The following CIITA variants were observed in gnomAD, a reference collection of about 807,000 sequenced individuals.
CIITA encodes the protein MHC class II transactivator.
CIITA carries 72 observed loss-of-function variants against 115.1 expected under a neutral mutation model. The observed-to-expected ratio is 0.63, with a 90% CI of 0.52 to 0.76. CIITA has a LOEUF of 0.76. CIITA is among the 30% of genes least tolerant of loss of function. The pLI is 0.00. For synonymous variants in CIITA, 763 were observed against 635.6 expected (o/e 1.20, Z -3.02); for missense variants, 1,617 against 1,463.8 (o/e 1.10, Z -1.71).
chr16:10,899,734 T>G (rs917678055), intron 5 of CIITA, among the ~76,000 whole-genome samples: 3 of 152,220 alleles, frequency 2.0e-5, no homozygotes, highest in Admixed American at 1.3e-4. Flanking sequence ...ATTTATTCAG[T>G]TCTTAAACAG....
chr16:10,882,932 C>T (rs746291280), intron 1 of CIITA, among the ~76,000 whole-genome samples: 7 of 152,108 alleles, frequency 4.6e-5, no homozygotes, highest in East Asian at 1.9e-4. Flanking sequence ...TTCCTGGGCC[C>T]GGCTGCAGAC....
chr16:10,882,380 C>G (rs757996039), intron 1 of CIITA, among the ~76,000 whole-genome samples: 8 of 152,022 alleles, frequency 5.3e-5, no homozygotes, highest in Non-Finnish European at 1.0e-4. Context: ...GACTACTAGA[C>G]CAAGGGCATG....
intron 13 of CIITA, among the ~76,000 whole-genome samples, chr16:10,914,423 A>C (rs28704125): frequency 0.28 from 42,767 of 152,126 alleles, 6,214 homozygotes; most frequent in South Asian, 0.33. Flanking sequence ...GTGCGCGGTT[A>C]CTGTTTTTTA....
At chr16:10,936,448 G>A (rs968952595), downstream of CIITA, 3 of 152,140 alleles carry the variant, frequency 2.0e-5, no homozygotes, top group African/African-American at 4.8e-5. Context: ...ATATACACAT[G>A]TGTGCATATA....
chr16:10,942,919 A>G lies in CIITA; in HGVS notation n.2045A>G, dbSNP rs1447634637. On this transcript the variant is annotated non_coding_transcript_exon_variant, in exon 2 of 2. Transcript: ENST00000573379. This position sits in a 1 kb window ranked among gnomAD's most constrained non-coding sequence, Gnocchi z 5.0. ...CACCAGTGTCCCCTTCGCTTCTCCA[A>G]ACTCTGGTTGCTGGAAGGTCCGCCC... 1 of 152,222 alleles carries G rather than the reference A, an allele frequency of 6.6e-6. No individual in the cohort carries two copies. Among genetic ancestry groups the G allele is most frequent in the Non-Finnish European group, 1.5e-5 (1 of 68,046 alleles). 9.4% of individuals were successfully genotyped at this position (152,222 alleles called of 1,614,324 possible). A position where few individuals can be genotyped will look rare whatever the true frequency, so the allele number is the denominator to read the frequency against.
chr16:10,872,388 G>A (rs767657948), upstream of CIITA, among the ~76,000 whole-genome samples: 1 of 152,206 alleles, frequency 6.6e-6, no homozygotes, highest in Non-Finnish European at 1.5e-5. Flanking sequence ...TTCCCAAAAT[G>A]CTGGGATTAT....
rs751075993 is a variant in CIITA at position 10,906,969 on chromosome 16, C to T, written c.1477C>T (p.Arg493Cys). The T allele has an allele frequency of 2.7e-5, 44 of 1,612,220 alleles. No individual in the cohort carries two copies. The highest frequency in any genetic ancestry group is 5.3e-5 in the African/African-American group (4 of 74,896). The stretch of plus-strand genomic sequence containing the variant: ...CAGCCACATCTTGAAGAGACCTGAC[C>T]GCGTTCTGCTCATCCTAGACGGCTT... ...VFSHILKRPD[R>C]VLLILDGFEE... is the part of the protein sequence containing the mutation. Residue 493 changes from arginine (R) to cysteine (C), a missense_variant, in exon 11 of 20, where the codon CGC becomes TGC. Arg to Cys is a radical substitution (Grantham distance 180). Coordinates refer to ENST00000324288, the MANE Select transcript of CIITA (RefSeq NM_000246.4).
Position 10,903,771 on chromosome 16 carries a change from A to C in CIITA, c.813A>C (p.Gly271=), listed in dbSNP as rs2144614631. 3.1e-6 allele frequency: 5 copies of C among 1,614,112 alleles called. No homozygotes were observed. Among genetic ancestry groups the C allele is most frequent in the Non-Finnish European group, 4.2e-6 (5 of 1,180,022 alleles). ...PQASQVPPPS[G]FTVHGLPTSP... is the part of the protein sequence containing the mutation. Reference sequence around the variant, plus strand: ...CCAGCCAAGTACCCCCTCCCAGTGGATTCACTGTCCACGGCCTCCCAACAT... The same window carrying C: ...CCAGCCAAGTACCCCCTCCCAGTGGCTTCACTGTCCACGGCCTCCCAACAT... The change falls in exon 9 of 20, where the codon GGA becomes GGC. Residue 271 remains glycine, a synonymous_variant. Coordinates refer to ENST00000324288, the MANE Select transcript of CIITA (RefSeq NM_000246.4).
intron 15 of CIITA, among the ~76,000 whole-genome samples, chr16:10,917,877 T>A (rs919288652): frequency 1.3e-5 from 2 of 152,236 alleles, no homozygotes; most frequent in Non-Finnish European, 2.9e-5. Context: ...TACCGGAATT[T>A]ACTTAGCAAT....
In CIITA at chr16:10,930,444, T is replaced by G. The variant is rs2040736211; in HGVS notation, c.*6589T>G. 6.6e-6 allele frequency: 1 copy of G among 152,154 alleles called. No homozygotes were observed. Among genetic ancestry groups the G allele is most frequent in the African/African-American group, 2.4e-5 (1 of 41,430 alleles). The allele number at this position is 152,154 out of a possible 1,614,324, so 9.4% of individuals were successfully genotyped here. On this transcript the variant is annotated 3_prime_UTR_variant, in exon 20 of 20. Coordinates refer to ENST00000324288, the MANE Select transcript of CIITA (RefSeq NM_000246.4). ...CCCTGGCCACTGGAACAACTAAAAA[T>G]GCCCTCCTACCCTATTTCCAAGGTC...
At chr16:10,893,017 C>G (rs2037751668) in intron 1 of CIITA, among the ~76,000 whole-genome samples, 1 of 152,164 alleles carries the variant, frequency 6.6e-6, no homozygotes, top group South Asian at 2.1e-4. Context: ...TGACAAGTGT[C>G]TTTATAAGAG....
Position 10,901,016 on chromosome 16 carries a change from T to C in CIITA, c.437-498T>C, listed in dbSNP as rs551687384. On this transcript the variant is annotated intron_variant, in intron 5 of 19. Transcript: ENST00000324288. The surrounding 1 kb of genome is among the most constrained non-coding windows in gnomAD (Gnocchi z 6.8). ...TCTTTTAAGGCCATGCAGTGTTTCG[T>C]TGGGTAGATGAACCATAATTTGTTT... Among the ~76,000 whole-genome samples, 5 of 152,310 alleles carry C rather than the reference T, an allele frequency of 3.3e-5. No individual in the cohort carries two copies. Among genetic ancestry groups the C allele is most frequent in the African/African-American group, 9.6e-5 (4 of 41,564 alleles).
intron 16 of CIITA, among the ~76,000 whole-genome samples, chr16:10,921,039 T>C (rs2040242791): frequency 6.6e-6 from 1 of 152,214 alleles, no homozygotes; most frequent in Non-Finnish European, 1.5e-5. Context: ...CGGCTAATTT[T>C]GTATTTTTAG....
chr16:10,901,824 T>C lies in CIITA; in HGVS notation c.482-214T>C, dbSNP rs1261061492. 4 of 749,396 alleles carry C rather than the reference T, an allele frequency of 5.3e-6. No individual in the cohort carries two copies. In the Admixed American group the frequency reaches 8.8e-5, roughly 16 times the overall value. 46.4% of individuals were successfully genotyped at this position (749,396 alleles called of 1,614,324 possible). On this transcript the variant is annotated intron_variant, in intron 6 of 19. Coordinates refer to ENST00000324288, the MANE Select transcript of CIITA (RefSeq NM_000246.4). This position sits in a 1 kb window ranked among gnomAD's most constrained non-coding sequence, Gnocchi z 6.8. ...TCTCCGTGTGGAGGCCCTAGGGTCC[T>C]GCTCAGCATAGCTCTCAGAGCCAAG...
At chr16:10,916,805 C>A in intron 15 of CIITA, 1 of 408,772 alleles carries the variant, frequency 2.4e-6, no homozygotes, top group Non-Finnish European at 4.6e-6. Context: ...TCCAACCGCT[C>A]ACTCAATCAT....
intron 2 of CIITA, 41 bp from the exon 3 acceptor site, chr16:10,895,628 C>A: frequency 6.2e-7 from 1 of 1,612,396 alleles, no homozygotes; most frequent in Non-Finnish European, 8.5e-7. Context: ...AGCCCTCTTT[C>A]CAGAAATTTC....
chr16:10,872,622 C>T (rs7404672), upstream of CIITA, among the ~76,000 whole-genome samples: 7,540 of 152,322 alleles, frequency 0.05, 1,052 homozygotes, highest in Admixed American at 0.28. Flanking sequence ...CCCTTTACAA[C>T]AATCCATCAG....
At position 10,926,226 on chromosome 16, in the gene CIITA, T is replaced by C. The variant is rs540560061; in HGVS notation, c.*2371T>C. The stretch of plus-strand genomic sequence containing the variant: ...GACCCGGCTGCGTGGTTGATGATCT[T>C]TGCAGACAGGCAAGCACCTCCTGCC... On this transcript the variant is annotated 3_prime_UTR_variant, in exon 20 of 20. Transcript: ENST00000324288. The C allele has an allele frequency of 6.6e-6, 1 of 152,342 alleles. No homozygotes were observed. The highest frequency in any genetic ancestry group is 2.4e-5 in the African/African-American group (1 of 41,580). The allele number at this position is 152,342 out of a possible 1,614,324, so 9.4% of individuals were successfully genotyped here. A position where few individuals can be genotyped will look rare whatever the true frequency, so the allele number is the denominator to read the frequency against.
At chr16:10,882,961 G>C (rs961546887) in intron 1 of CIITA, among the ~76,000 whole-genome samples, 4 of 152,212 alleles carry the variant, frequency 2.6e-5, no homozygotes, top group African/African-American at 9.6e-5. Flanking sequence ...TAGAATCACT[G>C]GGGGTGAGGC....
Sources: gnomAD v4.1 joint callset for allele counts (sites outside exome capture counted in the v4.1 genomes callset) on GRCh38, gnomAD v4.1.1 for gene constraint, Gnocchi (gnomAD v3.1) non-coding constraint, MANE v1.5 for transcripts, NCBI Gene and HGNC (gene_info 2026-07-23, HGNC 2026-07-21) for gene names.